Variants in KDM4B observed in about 807,000 individuals in gnomAD.
The protein encoded by KDM4B is lysine demethylase 4B.
A neutral mutation model predicts 125.2 loss-of-function variants in KDM4B; 32 were observed. The observed-to-expected ratio is 0.26, with a 90% CI of 0.19 to 0.34. KDM4B has a LOEUF of 0.34. Among genes scored for constraint, KDM4B ranks in the 10% least tolerant of loss-of-function variants. KDM4B has a pLI of 1.00. For missense variants in KDM4B, 1,190 were observed against 1,577.7 expected, an observed-to-expected ratio of 0.75 and a Z score of 4.16; for synonymous variants, 721 against 677.9, an observed-to-expected ratio of 1.06 and a Z score of -0.99.
intron 9 of KDM4B, among the ~76,000 whole-genome samples, chr19:5,090,686 A>C (rs1599599939): frequency 5.6e-5 from 2 of 35,502 alleles, no homozygotes; most frequent in African/African-American, 1.2e-4. Flanking sequence ...ACCACCCTCC[A>C]TCAAGTGCCG....
At chr19:5,131,571 AGGAG>A (rs2039549685) in intron 12 of KDM4B, 26 bp downstream of exon 12, 2 of 199,262 alleles carry the variant, frequency 1.0e-5, no homozygotes, top group Non-Finnish European at 1.9e-5. Context: ...GGAGGCAGGG[AGGAG>A]GGGGGCAGGT....
chr19:5,019,723 AGGTGTG>A (rs2036031854), intron 2 of KDM4B, among the ~76,000 whole-genome samples: 4 of 58,172 alleles, frequency 6.9e-5, no homozygotes, highest in African/African-American at 2.1e-4. Context: ...GGTGGTGTGC[AGGTGTG>A]GGTGTTGGTG....
chr19:5,126,127 T>C (rs1432806571), intron 11 of KDM4B, among the ~76,000 whole-genome samples: 2 of 152,090 alleles, frequency 1.3e-5, no homozygotes, highest in Admixed American at 6.5e-5. Context: ...TGGAACAAGC[T>C]GGGAAGGGGC....
chr19:5,075,107 G>C (rs1177813654), intron 7 of KDM4B: 3 of 152,430 alleles, frequency 2.0e-5, no homozygotes, highest in Non-Finnish European at 4.4e-5. Flanking sequence ...ACCCGGGAGT[G>C]CCCCTCCTGG....
intron 9 of KDM4B, among the ~76,000 whole-genome samples, chr19:5,092,568 G>T (rs967074101): frequency 6.6e-6 from 1 of 152,186 alleles, no homozygotes; most frequent in African/African-American, 2.4e-5. Flanking sequence ...GAGGGCCTTT[G>T]CCAGCTCGGC....
chr19:5,080,559 C>T (rs2038260155), intron 8 of KDM4B: 1 of 152,314 alleles, frequency 6.6e-6, no homozygotes, highest in African/African-American at 2.4e-5. Flanking sequence ...CACCAGATGC[C>T]AGTGAGGAGG....
chr19:5,023,942 A>G (rs1463543657), intron 2 of KDM4B, among the ~76,000 whole-genome samples: 1 of 151,640 alleles, frequency 6.6e-6, no homozygotes, highest in Non-Finnish European at 1.5e-5. Flanking sequence ...TTTTGTAGAG[A>G]TGGGGTCTCG....
At chr19:5,042,815 C>G (rs1010760026) in intron 5 of KDM4B, among the ~76,000 whole-genome samples, 5 of 151,692 alleles carry the variant, frequency 3.3e-5, no homozygotes, top group African/African-American at 1.2e-4. Context: ...CACCTCCCAC[C>G]CGGCCCCACC....
At chr19:5,021,815 T>A (rs1054598980) in intron 2 of KDM4B, among the ~76,000 whole-genome samples, 9 of 152,030 alleles carry the variant, frequency 5.9e-5, no homozygotes, top group African/African-American at 2.2e-4. Flanking sequence ...TGTATTTTTT[T>A]AGTAGAGACA....
chr19:5,137,201 C>T, intron 15 of KDM4B, 61 bp from the exon 16 acceptor site: 2 of 1,312,346 alleles, frequency 1.5e-6, no homozygotes, highest in South Asian at 1.3e-5. Flanking sequence ...CCCTGAGTTT[C>T]ACTCGGCTCC....
At chr19:4,975,758 A>C (rs893818213) in intron 1 of KDM4B, among the ~76,000 whole-genome samples, 3 of 151,108 alleles carry the variant, frequency 2.0e-5, no homozygotes, top group African/African-American at 7.3e-5. Flanking sequence ...ACGCTCGACT[A>C]ATTTTTGTAT....
intron 14 of KDM4B, among the ~76,000 whole-genome samples, chr19:5,134,796 C>T (rs1010748910): frequency 6.6e-5 from 10 of 152,072 alleles, no homozygotes; most frequent in Non-Finnish European, 7.4e-5. Context: ...AGTGCTGTGC[C>T]GAGGGTGGTG....
intron 6 of KDM4B, among the ~76,000 whole-genome samples, chr19:5,051,616 C>T (rs1395512777): frequency 6.6e-6 from 1 of 152,206 alleles, no homozygotes; most frequent in African/African-American, 2.4e-5. Context: ...AGGAGTGCCG[C>T]GGGGCCAGCG....
intron 9 of KDM4B, among the ~76,000 whole-genome samples, chr19:5,088,279 C>T (rs370018653): frequency 6.6e-6 from 1 of 152,300 alleles, no homozygotes; most frequent in East Asian, 1.9e-4. Context: ...CAGCCAGATG[C>T]GCTCACATCC....
rs899055477 is a variant in KDM4B at position 5,081,908 on chromosome 19, G to A, written c.781-459G>A. Among the ~76,000 whole-genome samples the A allele has an allele frequency of 2.6e-5, 4 of 152,218 alleles. No homozygotes were observed. The highest frequency in any genetic ancestry group is 2.1e-4 in the South Asian group (1 of 4,832). Reference sequence around the variant, plus strand: ...AGCTGCTGTCAGCACCACCCGCCCCGAAACCAGCCCCAGCTGCTTCAGGAC... The same window carrying A: ...AGCTGCTGTCAGCACCACCCGCCCCAAAACCAGCCCCAGCTGCTTCAGGAC... On this transcript the variant is annotated intron_variant, in intron 8 of 22. Coordinates refer to ENST00000159111, the MANE Select transcript of KDM4B (RefSeq NM_015015.3). The surrounding 1 kb of genome is among the most constrained non-coding windows in gnomAD (Gnocchi z 4.2).
At chr19:5,092,223 G>A (rs1042755527) in intron 9 of KDM4B, among the ~76,000 whole-genome samples, 2 of 152,176 alleles carry the variant, frequency 1.3e-5, no homozygotes, top group Admixed American at 1.3e-4. Flanking sequence ...CATTGGGGCC[G>A]TATCCTTCTC....
rs73544320 is a variant in KDM4B at position 5,068,565 on chromosome 19, T to C, written c.627-2445T>C. 2.7e-3 allele frequency among the ~76,000 whole-genome samples: 417 copies of C among 152,356 alleles called. 1 individual carries two copies. Among genetic ancestry groups the C allele is most frequent in the African/African-American group, 9.4e-3 (390 of 41,592 alleles). On this transcript the variant is annotated intron_variant, in intron 6 of 22. Coordinates refer to ENST00000159111, the MANE Select transcript of KDM4B (RefSeq NM_015015.3). The stretch of plus-strand genomic sequence containing the variant: ...CACTTTCTCTTGGAAACTGAGGTTT[T>C]TCTTCCGCCTGTGTCCTTGGGGGTG...
chr19:5,046,354 C>T (rs983381118), intron 5 of KDM4B, among the ~76,000 whole-genome samples: 44 of 152,238 alleles, frequency 2.9e-4, no homozygotes, highest in Non-Finnish European at 6.3e-4. Flanking sequence ...TCAGCCTGTG[C>T]CTGGGGCCTC....
At chr19:5,103,895 C>T (rs2145961908) in intron 9 of KDM4B, among the ~76,000 whole-genome samples, 1 of 152,340 alleles carries the variant, frequency 6.6e-6, no homozygotes, top group Non-Finnish European at 1.5e-5. Flanking sequence ...GAAGATGGGG[C>T]ACGGGGGTGC....
Sources: allele counts gnomAD v4.1 joint callset (sites outside exome capture counted in the v4.1 genomes callset), GRCh38; gene constraint gnomAD v4.1.1; non-coding constraint Gnocchi (gnomAD v3.1); transcripts MANE v1.5; gene names NCBI Gene and HGNC (gene_info 2026-07-23, HGNC 2026-07-21).